LRBA: variants seen among roughly 807,000 people sequenced by gnomAD.
LRBA encodes the protein lipopolysaccharide-responsive and beige-like anchor protein.
In LRBA, 176 loss-of-function variants were observed where a neutral mutation model predicts 330.0. That is an observed-to-expected ratio of 0.53 (90% CI 0.47 to 0.60). LRBA has a LOEUF of 0.60. Among genes scored for constraint, LRBA ranks in the 20% least tolerant of loss-of-function variants. The pLI is 0.00. For synonymous variants in LRBA, 1,230 were observed against 1,193.0 expected (o/e 1.03, Z -0.64); for missense variants, 3,259 against 3,444.8 (o/e 0.95, Z 1.35).
Position 150,848,995 on chromosome 4 carries a change from C to T in LRBA, c.4162G>A (p.Glu1388Lys), listed in dbSNP as rs1750245138. 6 of 1,578,502 alleles carry T rather than the reference C, an allele frequency of 3.8e-6. No homozygotes were observed. Among genetic ancestry groups the T allele is most frequent in the Non-Finnish European group, 5.1e-6 (6 of 1,167,004 alleles). ...TGAGTAGGTTCAATATTTTCCAGTT[C>T]ATGCTGTAAAGAATAAAGTTTGACA... is the stretch of plus-strand genomic sequence containing the variant. Reference protein sequence around the residue: ...LLSAATSATHELENIEPTQGL... With the variant: ...LLSAATSATHKLENIEPTQGL... Residue 1388 changes from glutamate (E) to lysine (K), a missense_variant, in exon 26 of 57, where the codon GAA becomes AAA. Transcript: ENST00000651943.
At chr4:150,358,029 T>A (rs996303319) in intron 47 of LRBA, among the ~76,000 whole-genome samples, 5 of 152,062 alleles carry the variant, frequency 3.3e-5, no homozygotes, top group Non-Finnish European at 7.4e-5. Context: ...TTTCTATTCC[T>A]GAGATAAGAA....
In LRBA at chr4:150,907,039, C is replaced by T. The variant is rs942531960; in HGVS notation, c.1494-634G>A. 2.7e-5 allele frequency among the ~76,000 whole-genome samples: 4 copies of T among 150,692 alleles called. No individual in the cohort carries two copies. The Admixed American group carries it at 2.7e-4, about 10-fold the overall frequency. On this transcript the variant is annotated intron_variant, in intron 11 of 56. Transcript: ENST00000651943. ...CACTTTTAAAACTGAATAGGGGCTACAGCCATGCTCTACTACCTACAATTT... is the reference window on the plus strand; with the variant it reads ...CACTTTTAAAACTGAATAGGGGCTATAGCCATGCTCTACTACCTACAATTT...
At chr4:150,847,176 G>A (rs1054981360) in intron 26 of LRBA, among the ~76,000 whole-genome samples, 2 of 152,176 alleles carry the variant, frequency 1.3e-5, no homozygotes, top group Non-Finnish European at 2.9e-5. Flanking sequence ...CTATAGATAA[G>A]TTTCCCAATT....
At chr4:150,324,378 G>GTCT (rs1487253001) in intron 49 of LRBA, among the ~76,000 whole-genome samples, 1 of 152,142 alleles carries the variant, frequency 6.6e-6, no homozygotes, top group East Asian at 1.9e-4. Context: ...TATCTATGTA[G>GTCT]TCTTCTGCCC....
intron 40 of LRBA, among the ~76,000 whole-genome samples, chr4:150,567,695 TATC>T (rs766578088): frequency 1.3e-5 from 2 of 152,182 alleles, no homozygotes; most frequent in Non-Finnish European, 2.9e-5. Flanking sequence ...GTGTTATTCT[TATC>T]ATCTCATTTC....
At chr4:150,434,783 C>T (rs1268839056) in intron 46 of LRBA, among the ~76,000 whole-genome samples, 1 of 151,208 alleles carries the variant, frequency 6.6e-6, no homozygotes, top group Non-Finnish European at 1.5e-5. Flanking sequence ...CCTGGAAGGT[C>T]GAGGTTGAGG....
At chr4:150,548,281 C>T (rs1178383043) in intron 40 of LRBA, among the ~76,000 whole-genome samples, 1 of 152,124 alleles carries the variant, frequency 6.6e-6, no homozygotes, top group Non-Finnish European at 1.5e-5. Flanking sequence ...GGCTGTAGTA[C>T]TTTTGTCTTC....
chr4:150,852,203 A>C lies in LRBA; in HGVS notation c.3507T>G (p.Thr1169=), dbSNP rs142278911. 7.4e-6 allele frequency: 12 copies of C among 1,614,046 alleles called. No individual in the cohort carries two copies. In the African/African-American group the frequency reaches 1.6e-4, roughly 22 times the overall value. Residue 1169 remains threonine, a synonymous_variant, in exon 23 of 57, where the codon ACT becomes ACG. Transcript: ENST00000651943. ...GKPVTEKQTD[T]ETQDSKDSGI... is the part of the protein sequence containing the mutation. ...CAGAATCTTTAGAATCTTGAGTTTCAGTATCAGTTTGCTTTTCAGTAACAG... is the reference window on the plus strand; with the variant it reads ...CAGAATCTTTAGAATCTTGAGTTTCCGTATCAGTTTGCTTTTCAGTAACAG...
chr4:150,872,649 T>G lies in LRBA; in HGVS notation c.2258+14A>C. On this transcript the variant is annotated intron_variant, in intron 18 of 56. Coordinates refer to ENST00000651943, the MANE Select transcript of LRBA (RefSeq NM_001364905.1). ...TAGAATACAACAGTCCATCTTAGAT[T>G]TCGGCATACTTACTTTGGGGCCAGA... The G allele has an allele frequency of 6.5e-7, 1 of 1,547,346 alleles. No homozygotes were observed. Among genetic ancestry groups the G allele is most frequent in the Non-Finnish European group, 8.9e-7 (1 of 1,120,912 alleles).
intron 37 of LRBA, among the ~76,000 whole-genome samples, chr4:150,661,419 G>A (rs1277859550): frequency 2.7e-5 from 4 of 146,140 alleles, no homozygotes; most frequent in South Asian, 4.3e-4. Flanking sequence ...GCTGTGAGCC[G>A]AGATCGTGCC....
chr4:150,726,489 T>C (rs1420203149), intron 36 of LRBA, among the ~76,000 whole-genome samples: 1 of 152,190 alleles, frequency 6.6e-6, no homozygotes, highest in Non-Finnish European at 1.5e-5. Context: ...GTTTTCACAC[T>C]GCTATAAAGA....
At chr4:150,432,956 T>C (rs981058597) in intron 46 of LRBA, among the ~76,000 whole-genome samples, 1 of 152,078 alleles carries the variant, frequency 6.6e-6, no homozygotes, top group Non-Finnish European at 1.5e-5. Flanking sequence ...TAGCTGGTTA[T>C]CAATATAAAA....
At chr4:150,364,787 A>G (rs567434137) in intron 47 of LRBA, among the ~76,000 whole-genome samples, 11 of 152,066 alleles carry the variant, frequency 7.2e-5, no homozygotes, top group Non-Finnish European at 1.6e-4. Flanking sequence ...AGCTCCTAGA[A>G]GGTATAGATT....
intron 37 of LRBA, among the ~76,000 whole-genome samples, chr4:150,611,049 T>C (rs1426198892): frequency 1.3e-5 from 2 of 152,122 alleles, no homozygotes; most frequent in African/African-American, 2.4e-5. Context: ...TTCAAAATGA[T>C]AGGATCACTA....
chr4:150,643,827 A>G (rs1307283665), intron 37 of LRBA, among the ~76,000 whole-genome samples: 3 of 152,010 alleles, frequency 2.0e-5, no homozygotes, highest in African/African-American at 7.2e-5. Flanking sequence ...TGTGAAAATT[A>G]TATAAAATTC....
intron 2 of LRBA, among the ~76,000 whole-genome samples, chr4:150,935,940 C>T (rs1176038513): frequency 1.3e-5 from 2 of 151,320 alleles, no homozygotes; most frequent in Non-Finnish European, 2.9e-5. Flanking sequence ...ATAAGAAATT[C>T]TCAAAGAGTA....
intron 28 of LRBA, among the ~76,000 whole-genome samples, chr4:150,836,148 AG>A: frequency 6.6e-6 from 1 of 152,308 alleles, no homozygotes; most frequent in South Asian, 2.1e-4. Flanking sequence ...CCAGGGATGA[AG>A]CCCACTTGAT....
At chr4:150,701,607 T>G (rs1785130826) in intron 36 of LRBA, among the ~76,000 whole-genome samples, 1 of 152,198 alleles carries the variant, frequency 6.6e-6, no homozygotes, top group Non-Finnish European at 1.5e-5. Context: ...CATCATTATG[T>G]GGTGCATGAC....
chr4:150,969,636 T>G (rs559486247), intron 2 of LRBA, among the ~76,000 whole-genome samples: 15 of 151,996 alleles, frequency 9.9e-5, no homozygotes, highest in Non-Finnish European at 1.0e-4. Flanking sequence ...CCCAGCTAAT[T>G]TCTTTTTATT....
Sources: gnomAD v4.1 joint callset for allele counts (sites outside exome capture counted in the v4.1 genomes callset) on GRCh38, gnomAD v4.1.1 for gene constraint, MANE v1.5 for transcripts, NCBI Gene and HGNC (gene_info 2026-07-23, HGNC 2026-07-21) for gene names.